Variants in POU2F1 observed in about 807,000 individuals in gnomAD.
POU2F1 encodes the protein POU domain, class 2, transcription factor 1.
POU2F1 carries 16 observed loss-of-function variants against 84.9 expected under a neutral mutation model. That is an observed-to-expected ratio of 0.19 (90% CI 0.13 to 0.29). The LOEUF (loss-of-function observed/expected upper bound fraction) is 0.29, where lower values mean the gene tolerates loss of function less well. POU2F1 is among the 10% of genes least tolerant of loss of function. The pLI is 1.00. For missense variants in POU2F1, 738 were observed against 942.6 expected, an observed-to-expected ratio of 0.78 and a Z score of 2.84; for synonymous variants, 368 against 368.3, an observed-to-expected ratio of 1.00 and a Z score of 0.01.
chr1:167,331,029 G>A (rs1657050345), intron 1 of POU2F1, among the ~76,000 whole-genome samples: 1 of 152,056 alleles, frequency 6.6e-6, no homozygotes, highest in Non-Finnish European at 1.5e-5. Flanking sequence ...TTGTACACCT[G>A]TTCCTTTCAA....
chr1:167,283,176 A>G (rs1165326021), intron 1 of POU2F1, among the ~76,000 whole-genome samples: 1 of 152,124 alleles, frequency 6.6e-6, no homozygotes, highest in African/African-American at 2.4e-5. Flanking sequence ...TATCAACTTA[A>G]AGTTTATTTA....
At chr1:167,351,874 T>C (rs921652351) in intron 2 of POU2F1, among the ~76,000 whole-genome samples, 4 of 152,190 alleles carry the variant, frequency 2.6e-5, no homozygotes, top group African/African-American at 9.7e-5. Flanking sequence ...TCCTCTCTCA[T>C]TTATACATTT....
At chr1:167,319,286 T>A (rs2102627092) in intron 1 of POU2F1, among the ~76,000 whole-genome samples, 1 of 152,328 alleles carries the variant, frequency 6.6e-6, no homozygotes, top group Non-Finnish European at 1.5e-5. Flanking sequence ...TTTACCTGTT[T>A]CCCAACTTTT....
intron 2 of POU2F1, among the ~76,000 whole-genome samples, chr1:167,350,738 C>A (rs935959914): frequency 1.5e-4 from 22 of 151,412 alleles, no homozygotes; most frequent in African/African-American, 4.9e-4. Context: ...GTGGCTCATG[C>A]CTATAATCCC....
chr1:167,411,077 G>T (rs1331177513), intron 13 of POU2F1, among the ~76,000 whole-genome samples: 1 of 144,746 alleles, frequency 6.9e-6, no homozygotes, highest in Admixed American at 7.0e-5. Context: ...GTCTTGCTCT[G>T]TCGCCAGGCT....
At chr1:167,261,479 A>T (rs748465254) in intron 1 of POU2F1, among the ~76,000 whole-genome samples, 23 of 152,142 alleles carry the variant, frequency 1.5e-4, no homozygotes, top group Non-Finnish European at 2.6e-4. Flanking sequence ...TAAGAGCAAG[A>T]TATAGGGATA....
rs1368268619 is a variant in POU2F1, at chr1:167,419,013, GGTT to G, written c.*3207_*3209del. The G allele has an allele frequency of 2.0e-5, 3 of 152,024 alleles. No homozygotes were observed. Among genetic ancestry groups the G allele is most frequent in the Admixed American group, 6.6e-5 (1 of 15,264 alleles). The allele number at this position is 152,024 out of a possible 1,614,324, so 9.4% of individuals were successfully genotyped here. ...CGAAACACTAATATAGCTTTTTGGTGGTTGTTTAGTTTAAAATCAACTCCCTAT... is the reference window on the plus strand; with the variant it reads ...CGAAACACTAATATAGCTTTTTGGTGGTTTAGTTTAAAATCAACTCCCTAT... On this transcript the variant is annotated 3_prime_UTR_variant, in exon 16 of 16. Coordinates refer to ENST00000367866, the MANE Select transcript of POU2F1 (RefSeq NM_002697.4).
intron 1 of POU2F1, among the ~76,000 whole-genome samples, chr1:167,317,380 C>T (rs962246121): frequency 6.6e-6 from 1 of 152,186 alleles, no homozygotes; most frequent in African/African-American, 2.4e-5. Context: ...GAGACCAGCT[C>T]AGTCGTGGAG....
chr1:167,391,115 AT>A (rs549387188), intron 9 of POU2F1, among the ~76,000 whole-genome samples: 88 of 152,140 alleles, frequency 5.8e-4, no homozygotes, highest in African/African-American at 1.9e-3. Context: ...TAAATAATAT[AT>A]TTTTTTAGAG....
At chr1:167,236,224 T>C (rs1335593361) in intron 1 of POU2F1, among the ~76,000 whole-genome samples, 2 of 151,870 alleles carry the variant, frequency 1.3e-5, no homozygotes, top group African/African-American at 4.8e-5. Context: ...TGCCTCAGCC[T>C]CCTGAGGAGC....
At chr1:167,272,032 A>G (rs1457786455) in intron 1 of POU2F1, among the ~76,000 whole-genome samples, 2 of 152,222 alleles carry the variant, frequency 1.3e-5, no homozygotes. Flanking sequence ...CTGCAACAGC[A>G]GAGTTGAATA....
chr1:167,358,733 T>TC, intron 2 of POU2F1, among the ~76,000 whole-genome samples: 1 of 128,266 alleles, frequency 7.8e-6, no homozygotes, highest in Non-Finnish European at 1.6e-5. Context: ...TTTTTTTTTT[T>TC]TTTTGAGACA....
At chr1:167,333,182 G>C (rs1489143432) in intron 2 of POU2F1, among the ~76,000 whole-genome samples, 3 of 152,048 alleles carry the variant, frequency 2.0e-5, no homozygotes, top group Non-Finnish European at 4.4e-5. Flanking sequence ...TCATATAAAT[G>C]AGAATACTGA....
intron 1 of POU2F1, among the ~76,000 whole-genome samples, chr1:167,284,649 G>T (rs1184713956): frequency 6.6e-6 from 1 of 152,174 alleles, no homozygotes; most frequent in African/African-American, 2.4e-5. Flanking sequence ...TATAGGCAGT[G>T]TCAACATTTT....
intron 2 of POU2F1, among the ~76,000 whole-genome samples, chr1:167,336,849 T>C: frequency 6.6e-6 from 1 of 151,862 alleles, no homozygotes; most frequent in East Asian, 1.9e-4. Flanking sequence ...GGCAACATGG[T>C]GAAACCCTGC....
intron 3 of POU2F1, among the ~76,000 whole-genome samples, chr1:167,367,927 G>GT (rs1279147104): frequency 2.0e-5 from 3 of 151,840 alleles, no homozygotes; most frequent in Non-Finnish European, 4.4e-5. Context: ...AAAAAAAATT[G>GT]TTTTTTGCTA....
rs929654351 is a variant in POU2F1, at chr1:167,398,949, C to T, written c.1270-237C>T. On this transcript the variant is annotated intron_variant, in intron 11 of 15. Transcript: ENST00000367866. ...TTAATTTCATTCACAATTAATAGAT[C>T]TTAAAAATGAAAAACTATAGATATT... Among the ~76,000 whole-genome samples, 4 of 152,174 alleles carry T rather than the reference C, an allele frequency of 2.6e-5. No homozygotes were observed. In the East Asian group the frequency reaches 7.7e-4, roughly 29 times the overall value.
chr1:167,242,549 A>G (rs1453220225), intron 1 of POU2F1, among the ~76,000 whole-genome samples: 5 of 152,232 alleles, frequency 3.3e-5, no homozygotes, highest in Non-Finnish European at 7.3e-5. Flanking sequence ...TGATCTAGCT[A>G]TAGAATTGAC....
In POU2F1 at chr1:167,383,871, C is replaced by CA; in HGVS notation, c.737dup (p.Asn246LysfsTer53). 1 of 1,613,752 alleles carries CA rather than the reference C, an allele frequency of 6.2e-7. No individual in the cohort carries two copies. Among genetic ancestry groups the CA allele is most frequent in the Non-Finnish European group, 8.5e-7 (1 of 1,179,790 alleles). On this transcript the variant is annotated frameshift_variant, in exon 8 of 16. Transcript: ENST00000367866. LOFTEE classifies it high-confidence loss of function. ...TTCTTCTACAGGTCTCCTGCAAGCG[C>CA]AAAATCTTCTAACGCAACTACCTCA...
Sources: allele counts gnomAD v4.1 joint callset (sites outside exome capture counted in the v4.1 genomes callset), GRCh38; gene constraint gnomAD v4.1.1; transcripts MANE v1.5; gene names NCBI Gene and HGNC (gene_info 2026-07-23, HGNC 2026-07-21).